ST18: variants seen among roughly 807,000 people sequenced by gnomAD.
ST18 encodes the protein ST18 C2H2C-type zinc finger transcription factor, also known as suppression of tumorigenicity 18 protein.
Under a neutral mutation model 110.0 loss-of-function variants are expected in ST18, and 50 were observed. That is an observed-to-expected ratio of 0.45 (90% CI 0.36 to 0.58). The LOEUF is 0.58. Ranked by LOEUF, ST18 falls within the 20% of genes least tolerant of loss-of-function variation. The probability of loss-of-function intolerance (pLI) is 0.00; values close to 1 mark genes in which losing one functional copy is unlikely to be tolerated. For missense variants in ST18, 1,306 were observed against 1,280.1 expected (o/e 1.02, Z -0.31); for synonymous variants, 461 against 452.4 (o/e 1.02, Z -0.24).
chr8:52,274,809 A>G (rs1352492119), intron 2 of ST18, among the ~76,000 whole-genome samples: 1 of 152,166 alleles, frequency 6.6e-6, no homozygotes, highest in Non-Finnish European at 1.5e-5. Context: ...AAAACGGTTA[A>G]TTTCATAGTT....
chr8:52,347,818 C>T (rs1392499450), intron 2 of ST18, among the ~76,000 whole-genome samples: 1 of 152,208 alleles, frequency 6.6e-6, no homozygotes, highest in Non-Finnish European at 1.5e-5. Flanking sequence ...AAATCCACCT[C>T]CTCTGGCTTT....
At chr8:52,161,989 C>T (rs1472193136) in intron 13 of ST18, among the ~76,000 whole-genome samples, 1 of 152,216 alleles carries the variant, frequency 6.6e-6, no homozygotes, top group Non-Finnish European at 1.5e-5. Context: ...GTGGGTGGAT[C>T]ATCTGAGCTC....
At chr8:52,260,832 G>A (rs2094669402) in intron 2 of ST18, among the ~76,000 whole-genome samples, 1 of 152,120 alleles carries the variant, frequency 6.6e-6, no homozygotes, top group South Asian at 2.1e-4. Flanking sequence ...CACATTTCCT[G>A]GACAGATAAT....
intron 2 of ST18, among the ~76,000 whole-genome samples, chr8:52,339,795 G>A (rs562682460): frequency 3.3e-5 from 5 of 152,326 alleles, no homozygotes; most frequent in South Asian, 4.1e-4. Flanking sequence ...ACCCCTTTCC[G>A]AGTTCTATTT....
At chr8:52,341,981 A>C (rs1221154023) in intron 2 of ST18, among the ~76,000 whole-genome samples, 1 of 152,212 alleles carries the variant, frequency 6.6e-6, no homozygotes, top group Non-Finnish European at 1.5e-5. Context: ...AGGACACAAA[A>C]TTTCAAGTAG....
At chr8:52,280,295 A>T (rs1252752735) in intron 2 of ST18, among the ~76,000 whole-genome samples, 1 of 152,062 alleles carries the variant, frequency 6.6e-6, no homozygotes, top group Non-Finnish European at 1.5e-5. Context: ...AAAAATCACA[A>T]TAAATGCAAG....
At chr8:52,184,841 G>C (rs955829971) in intron 8 of ST18, among the ~76,000 whole-genome samples, 3 of 152,084 alleles carry the variant, frequency 2.0e-5, no homozygotes, top group Admixed American at 6.5e-5. Flanking sequence ...ACACTTACAT[G>C]CTTCAAAATT....
Position 52,180,179 on chromosome 8 carries a change from G to A in ST18, c.220C>T (p.Arg74Cys), listed in dbSNP as rs200508606. Residue 74 changes from arginine (R) to cysteine (C), a missense_variant, in exon 9 of 26, where the codon CGC (arginine) becomes TGC (cysteine). By Grantham distance (180) the Arg-to-Cys change is radical (BLOSUM62 -3). Coordinates refer to ENST00000689386, the MANE Select transcript of ST18 (RefSeq NM_001352837.2). ...YSPKADCQEDRSDRTEDDGPL... is the reference protein window; with the variant it reads ...YSPKADCQEDCSDRTEDDGPL... The stretch of plus-strand genomic sequence containing the variant: ...CCATCGTCCTCTGTCCTGTCACTGC[G>A]GTCTTCTTGGCAGTCTGCTTTTGGG... The A allele has an allele frequency of 3.0e-5, 48 of 1,614,040 alleles. No individual in the cohort carries two copies. In the East Asian group the frequency reaches 5.8e-4, roughly 19 times the overall value.
At chr8:52,381,821 C>T (rs181083569) in intron 2 of ST18, among the ~76,000 whole-genome samples, 23 of 152,148 alleles carry the variant, frequency 1.5e-4, no homozygotes, top group Admixed American at 1.4e-3. Flanking sequence ...CCCTGCCTTC[C>T]GTCCAAACTG....
chr8:52,390,366 C>T (rs1838878704), intron 2 of ST18, among the ~76,000 whole-genome samples: 1 of 152,126 alleles, frequency 6.6e-6, no homozygotes, highest in African/African-American at 2.4e-5. Flanking sequence ...GTCCAAAGTG[C>T]ACTATTTACA....
intron 9 of ST18, 32 bp from the exon 10 acceptor site, chr8:52,172,615 C>T (rs2065371670): frequency 6.6e-7 from 1 of 1,503,794 alleles, no homozygotes; most frequent in Non-Finnish European, 8.9e-7. Flanking sequence ...ATTTGAAGAG[C>T]AAGAACAAAA....
At chr8:52,153,686 T>C (rs1396620854) in intron 15 of ST18, among the ~76,000 whole-genome samples, 5 of 152,250 alleles carry the variant, frequency 3.3e-5, no homozygotes, top group Non-Finnish European at 7.3e-5. Flanking sequence ...CTTGGAATCA[T>C]GGTCCACGCT....
chr8:52,224,633 T>C (rs1477725363), intron 3 of ST18, among the ~76,000 whole-genome samples: 2 of 152,210 alleles, frequency 1.3e-5, no homozygotes, highest in Admixed American at 6.5e-5. Context: ...ACAGCTCCCA[T>C]GGCAAAGTGG....
chr8:52,230,671 A>C lies in ST18; in HGVS notation c.-464-594T>G, dbSNP rs778105729. 4.4e-5 allele frequency among the ~76,000 whole-genome samples: 4 copies of C among 90,450 alleles called. No individual in the cohort carries two copies. The East Asian group carries it at 9.1e-4, about 21-fold the overall frequency. The allele number at this position is 90,450 out of a possible 152,430, so 59.3% of individuals were successfully genotyped here. ...TACAGATTTCAAAAGGATTTTTTTTAAAAAATCCTTTAATTCTCATGTGTT... is the reference window on the plus strand; with the variant it reads ...TACAGATTTCAAAAGGATTTTTTTTCAAAAATCCTTTAATTCTCATGTGTT... On this transcript the variant is annotated intron_variant, in intron 2 of 25. Coordinates refer to ENST00000689386, the MANE Select transcript of ST18 (RefSeq NM_001352837.2).
intron 2 of ST18, among the ~76,000 whole-genome samples, chr8:52,383,074 C>A (rs1349368238): frequency 6.6e-6 from 1 of 152,054 alleles, no homozygotes; most frequent in Admixed American, 6.6e-5. Context: ...ACTACTTTTC[C>A]TCGCTTCTCT....
chr8:52,155,495 G>A (rs1442242437), intron 15 of ST18, among the ~76,000 whole-genome samples: 1 of 152,180 alleles, frequency 6.6e-6, no homozygotes, highest in African/African-American at 2.4e-5. Context: ...GTGCCTTCAG[G>A]CTGGGGTGTG....
intron 2 of ST18, among the ~76,000 whole-genome samples, chr8:52,234,798 A>C (rs1034534038): frequency 6.6e-6 from 1 of 151,810 alleles, no homozygotes; most frequent in Non-Finnish European, 1.5e-5. Context: ...AAAGGAATGA[A>C]TTAATGGCAT....
rs2042471086 is a variant in ST18 at position 52,116,199 on chromosome 8, G to A, written c.3003+76C>T. 8 of 1,534,112 alleles carry A rather than the reference G, an allele frequency of 5.2e-6. No homozygotes were observed. In the Admixed American group the frequency reaches 1.5e-4, roughly 28 times the overall value. On this transcript the variant is annotated intron_variant, in intron 25 of 25. Coordinates refer to ENST00000689386, the MANE Select transcript of ST18 (RefSeq NM_001352837.2). Reference sequence around the variant, plus strand: ...CAGGTCTCCTCAAAGCTCAGTCGTGGCAACCCCGTGGGTAGATGCATGATG... The same window carrying A: ...CAGGTCTCCTCAAAGCTCAGTCGTGACAACCCCGTGGGTAGATGCATGATG...
At chr8:52,357,698 TATATATATATATATATATATATATA>T (rs1823554171) in intron 2 of ST18, among the ~76,000 whole-genome samples, 3 of 91,348 alleles carry the variant, frequency 3.3e-5, no homozygotes, top group East Asian at 2.9e-4. Context: ...TATATATATA[TATATATATATATATATATATATATA>T]TATATATAAA....
Sources: allele counts gnomAD v4.1 joint callset (sites outside exome capture counted in the v4.1 genomes callset), GRCh38; gene constraint gnomAD v4.1.1; transcripts MANE v1.5; gene names NCBI Gene and HGNC (gene_info 2026-07-23, HGNC 2026-07-21).